Variants in HHAT observed in about 807,000 individuals in gnomAD.
HHAT encodes the protein hedgehog acyltransferase, also known as protein-cysteine N-palmitoyltransferase HHAT.
In HHAT, 47 loss-of-function variants were observed where a neutral mutation model predicts 70.8. The ratio of observed to expected loss-of-function variants is 0.66; its 90% CI spans 0.53 to 0.85. The LOEUF (loss-of-function observed/expected upper bound fraction) is 0.85. HHAT is among the 40% of genes least tolerant of loss of function. The probability of loss-of-function intolerance (pLI) is 0.00; values close to 1 mark genes in which losing one functional copy is unlikely to be tolerated. For synonymous variants in HHAT, 228 were observed against 247.6 expected (o/e 0.92, Z 0.74); for missense variants, 609 against 604.8 (o/e 1.01, Z -0.07).
Position 210,623,561 on chromosome 1 carries a change from C to G in HHAT, c.1281C>G (p.Phe427Leu), listed in dbSNP as rs780932919. The G allele has an allele frequency of 6.2e-7, 1 of 1,613,970 alleles. No homozygotes were observed. The highest frequency in any genetic ancestry group is 8.5e-7 in the Non-Finnish European group (1 of 1,180,002). The change falls in exon 11 of 12, where the codon TTC (phenylalanine) becomes TTG (leucine). Residue 427 changes from phenylalanine (F) to leucine (L), a missense_variant. Transcript: ENST00000261458. Reference protein sequence around the residue: ...RYFSPQARRRFHAALASCSTS... With the variant: ...RYFSPQARRRLHAALASCSTS... ...TCTCCCCACAAGCTCGCCGTCGATT[C>G]CACGCTGCCCTTGCTTCTTGTTCCA...
intron 7 of HHAT, among the ~76,000 whole-genome samples, chr1:210,424,344 A>C (rs1339087900): frequency 6.6e-6 from 1 of 152,090 alleles, no homozygotes; most frequent in Non-Finnish European, 1.5e-5. Flanking sequence ...TATAGAAATG[A>C]TACTGATTTT....
chr1:210,384,886 C>G (rs2090922291), intron 3 of HHAT, among the ~76,000 whole-genome samples: 1 of 152,214 alleles, frequency 6.6e-6, no homozygotes, highest in South Asian at 2.1e-4. Flanking sequence ...TAAACATCAT[C>G]TTGACCTATT....
chr1:210,498,762 GTTTTTTTTTTTCT>G (rs1325580282), intron 8 of HHAT, among the ~76,000 whole-genome samples: 1 of 143,692 alleles, frequency 7.0e-6, no homozygotes, highest in Non-Finnish European at 1.5e-5. Flanking sequence ...CTTGCAGTCT[GTTTTTTTTTTTCT>G]TTTTTTTTTT....
chr1:210,493,643 C>T (rs1393371200), intron 8 of HHAT, among the ~76,000 whole-genome samples: 3 of 152,120 alleles, frequency 2.0e-5, no homozygotes, highest in Admixed American at 2.0e-4. Context: ...GAGGTCAAAG[C>T]TAGAAATACA....
intron 11 of HHAT, among the ~76,000 whole-genome samples, chr1:210,672,396 CCG>C (rs1680271297): frequency 6.6e-6 from 1 of 152,232 alleles, no homozygotes; most frequent in Non-Finnish European, 1.5e-5. Flanking sequence ...CACATGATCC[CCG>C]TTCCTTGGAT....
intron 9 of HHAT, among the ~76,000 whole-genome samples, chr1:210,529,421 G>T (rs1425624092): frequency 6.6e-6 from 1 of 152,058 alleles, no homozygotes. Context: ...TATCAACGTG[G>T]TACTGAGAGA....
At chr1:210,378,627 T>TA (rs2090406872) in intron 3 of HHAT, among the ~76,000 whole-genome samples, 5 of 152,208 alleles carry the variant, frequency 3.3e-5, no homozygotes, top group Admixed American at 3.3e-4. Context: ...AATGATTAAA[T>TA]AAAAGTAATT....
intron 8 of HHAT, among the ~76,000 whole-genome samples, chr1:210,484,777 A>G (rs1325932539): frequency 6.6e-6 from 1 of 152,140 alleles, no homozygotes; most frequent in East Asian, 1.9e-4. Context: ...GCAGTTTACA[A>G]TTCATTACTT....
intron 9 of HHAT, among the ~76,000 whole-genome samples, chr1:210,555,461 G>A (rs147169200): frequency 9.8e-5 from 15 of 152,326 alleles, no homozygotes; most frequent in Non-Finnish European, 1.9e-4. Context: ...GGAAGTCCTG[G>A]AATTGGGCCC....
chr1:210,603,485 A>G (rs979726289), intron 10 of HHAT, among the ~76,000 whole-genome samples: 3 of 152,124 alleles, frequency 2.0e-5, no homozygotes, highest in South Asian at 2.1e-4. Context: ...TGTCTTTCCA[A>G]TTCTGGGTAT....
chr1:210,360,846 C>CT (rs3036585), intron 2 of HHAT, among the ~76,000 whole-genome samples: 20,480 of 124,142 alleles, frequency 0.16, 2,109 homozygotes, highest in Admixed American at 0.26. Flanking sequence ...ATTAACTTCA[C>CT]TTTTTTTTTT....
At chr1:210,496,010 C>CAAAAAAAAAAA (rs10639399) in intron 8 of HHAT, among the ~76,000 whole-genome samples, 21 of 67,920 alleles carry the variant, frequency 3.1e-4, no homozygotes, top group African/African-American at 9.6e-4. Flanking sequence ...AACTCTATCT[C>CAAAAAAAAAAA]AAAAAAAAAA....
intron 11 of HHAT, among the ~76,000 whole-genome samples, chr1:210,659,048 A>T (rs1026862439): frequency 1.4e-5 from 2 of 144,114 alleles, no homozygotes; most frequent in African/African-American, 4.9e-5. Flanking sequence ...AAGAGCAAAC[A>T]CATTCAAAAG....
chr1:210,407,912 T>G (rs112767039), intron 6 of HHAT, among the ~76,000 whole-genome samples: 34 of 152,154 alleles, frequency 2.2e-4, no homozygotes, highest in African/African-American at 8.0e-4. Context: ...CTGGGCACTG[T>G]GCTCTCCCAC....
At chr1:210,365,723 C>T (rs541604025) in intron 3 of HHAT, among the ~76,000 whole-genome samples, 2 of 151,830 alleles carry the variant, frequency 1.3e-5, no homozygotes, top group African/African-American at 4.8e-5. Flanking sequence ...TCAAACAATT[C>T]TCTTGCCTCA....
At position 210,513,175 on chromosome 1, in the gene HHAT, A is replaced by G; in HGVS notation, c.1030A>G (p.Asn344Asp). The change falls in exon 9 of 12, where the codon AAT becomes GAT. Residue 344 changes from asparagine (N) to aspartate (D), a missense_variant. Coordinates refer to ENST00000261458, the MANE Select transcript of HHAT (RefSeq NM_018194.6). ...CAGGTATTTTGATGTTGGACTGCAT[A>G]ATTTCTTAATCAGGTAAGCCAATAA... ...MWRYFDVGLH[N>D]FLIRYVYIPV... 6.6e-7 allele frequency: 1 copy of G among 1,521,458 alleles called. No individual in the cohort carries two copies. Among genetic ancestry groups the G allele is most frequent in the East Asian group, 2.3e-5 (1 of 44,160 alleles). The allele number at this position is 1,521,458 out of a possible 1,614,324, so 94.2% of individuals were successfully genotyped here. A position where few individuals can be genotyped will look rare whatever the true frequency, so the allele number is the denominator to read the frequency against.
intron 2 of HHAT, among the ~76,000 whole-genome samples, chr1:210,357,507 T>G (rs1292128874): frequency 1.3e-5 from 2 of 152,210 alleles, no homozygotes; most frequent in African/African-American, 4.8e-5. Context: ...CTGTCCAATC[T>G]TCATCAAACC....
intron 8 of HHAT, among the ~76,000 whole-genome samples, chr1:210,477,411 C>T (rs2094321739): frequency 6.6e-6 from 1 of 152,204 alleles, no homozygotes. Context: ...GGGAGGGACT[C>T]TGCCATTCAG....
At chr1:210,427,592 T>C (rs1049294719) in intron 7 of HHAT, among the ~76,000 whole-genome samples, 14 of 152,222 alleles carry the variant, frequency 9.2e-5, no homozygotes, top group Admixed American at 1.3e-4. Flanking sequence ...GGTCATTCAA[T>C]TTCCATGTAA....
Sources: gnomAD v4.1 joint callset for allele counts (sites outside exome capture counted in the v4.1 genomes callset) on GRCh38, gnomAD v4.1.1 for gene constraint, MANE v1.5 for transcripts, NCBI Gene and HGNC (gene_info 2026-07-23, HGNC 2026-07-21) for gene names.